The following SERPINE3 variants were observed in gnomAD, a reference collection of about 807,000 sequenced individuals.
SERPINE3 encodes the protein serpin E3.
Under a neutral mutation model 41.7 loss-of-function variants are expected in SERPINE3, and 43 were observed. The ratio of observed to expected loss-of-function variants is 1.03; its 90% confidence interval spans 0.81 to 1.33. The LOEUF is 1.33. SERPINE3 is among the 40% of genes most tolerant of loss of function. The pLI, the probability that SERPINE3 is intolerant of heterozygous loss-of-function variation, is 0.00. For synonymous variants in SERPINE3, 200 were observed against 192.2 expected (o/e 1.04, Z -0.34); for missense variants, 440 against 491.7 (o/e 0.89, Z 0.99).
At chr13:51,356,129 TAC>T (rs1248254064) in intron 7 of SERPINE3, among the ~76,000 whole-genome samples, 2 of 152,178 alleles carry the variant, frequency 1.3e-5, no homozygotes, top group African/African-American at 2.4e-5. Context: ...GAATCTATTC[TAC>T]AGAGTTTAAA....
At chr13:51,357,694 G>A (rs1955502450) in intron 7 of SERPINE3, among the ~76,000 whole-genome samples, 2 of 151,872 alleles carry the variant, frequency 1.3e-5, no homozygotes, top group African/African-American at 4.8e-5. Context: ...GATACTAGAT[G>A]TTATGCAGCT....
intron 7 of SERPINE3, among the ~76,000 whole-genome samples, chr13:51,360,920 T>C (rs2137826092): frequency 6.6e-6 from 1 of 152,154 alleles, no homozygotes; most frequent in Non-Finnish European, 1.5e-5. Flanking sequence ...CACTGAAGTT[T>C]AGGAAATACT....
At chr13:51,363,179 C>G (rs1955616672) in intron 9 of SERPINE3, 1 of 151,894 alleles carries the variant, frequency 6.6e-6, no homozygotes, top group South Asian at 2.1e-4. Context: ...AATTCAAGTG[C>G]ATAAAAATGA....
intron 4 of SERPINE3, among the ~76,000 whole-genome samples, chr13:51,345,409 A>G (rs984157084): frequency 6.6e-6 from 1 of 152,140 alleles, no homozygotes; most frequent in Non-Finnish European, 1.5e-5. Context: ...CCTGGCCAAC[A>G]TGGTGAAACC....
chr13:51,361,715 TTGA>T, intron 8 of SERPINE3, 92 bp from the exon 9 acceptor site: 1 of 1,145,542 alleles, frequency 8.7e-7, no homozygotes, highest in Non-Finnish European at 1.2e-6. Flanking sequence ...TTAGGATGCT[TTGA>T]TTTCTTAAAA....
chr13:51,357,502 A>G (rs540573108), intron 7 of SERPINE3, among the ~76,000 whole-genome samples: 19 of 152,264 alleles, frequency 1.2e-4, no homozygotes, highest in African/African-American at 3.9e-4. Context: ...CCACCACAGC[A>G]AACATTTGGC....
intron 4 of SERPINE3, 32 bp downstream of exon 4, chr13:51,344,517 A>T: frequency 6.7e-7 from 1 of 1,502,418 alleles, no homozygotes; most frequent in Non-Finnish European, 9.1e-7. Flanking sequence ...CAACAAGGCT[A>T]AGGCAGAGGG....
chr13:51,357,391 C>T (rs79174488), intron 7 of SERPINE3, among the ~76,000 whole-genome samples: 3,158 of 152,192 alleles, frequency 0.021, 56 homozygotes, highest in African/African-American at 0.049. Context: ...TCAGCAGAGA[C>T]CTTGCCAGAG....
chr13:51,363,187 T>G (rs1255104341), intron 9 of SERPINE3: 1 of 151,884 alleles, frequency 6.6e-6, no homozygotes, highest in African/African-American at 2.4e-5. Context: ...TGCATAAAAA[T>G]GATGTAAAAT....
intron 6 of SERPINE3, among the ~76,000 whole-genome samples, chr13:51,349,567 G>T (rs752143623): frequency 5.3e-5 from 8 of 152,310 alleles, no homozygotes; most frequent in Middle Eastern, 3.4e-3. Context: ...AGGCTGGTGC[G>T]AGAATTCGCC....
intron 5 of SERPINE3, 92 bp downstream of exon 5, chr13:51,347,326 T>G: frequency 9.1e-7 from 1 of 1,098,920 alleles, no homozygotes. Context: ...TCCTAAGGGA[T>G]CGGGATGTGT....
In SERPINE3 at chr13:51,364,424, A is replaced by T; in HGVS notation, c.*142A>T. 2.1e-6 allele frequency: 1 copy of T among 484,102 alleles called. No individual in the cohort carries two copies. 30.0% of individuals were successfully genotyped at this position (484,102 alleles called of 1,614,324 possible). Reference sequence around the variant, plus strand: ...TTTTCAATATTATAAACCTAAAAATACTTCAGTTTTTAAATGTTATAAGTT... The same window carrying T: ...TTTTCAATATTATAAACCTAAAAATTCTTCAGTTTTTAAATGTTATAAGTT... On this transcript the variant is annotated 3_prime_UTR_variant, in exon 10 of 10. Transcript: ENST00000681248.
intron 6 of SERPINE3, chr13:51,354,172 C>T (rs1384049596): frequency 6.6e-6 from 1 of 151,966 alleles, no homozygotes; most frequent in Non-Finnish European, 1.5e-5. Flanking sequence ...CTTTTCTGCA[C>T]CTACTATATG....
At chr13:51,359,642 T>C (rs1436555782) in intron 7 of SERPINE3, among the ~76,000 whole-genome samples, 1 of 152,130 alleles carries the variant, frequency 6.6e-6, no homozygotes, top group Non-Finnish European at 1.5e-5. Flanking sequence ...ATTTACTGTA[T>C]TTTAGCTGAT....
rs1471237485 is a variant in SERPINE3, at chr13:51,344,396, G to A, written c.401G>A (p.Trp134Ter). 2 of 1,612,214 alleles carry A rather than the reference G, an allele frequency of 1.2e-6. No homozygotes were observed. The highest frequency in any genetic ancestry group is 1.3e-5 in the African/African-American group (1 of 74,996). ...SPCFVEHVSW[W>*]ANSSLEPADL... ...TGCTTTGTGGAGCACGTCTCCTGGTGGGCTAACAGCAGCCTGGAACCAGCC... is the reference window on the plus strand; with the variant it reads ...TGCTTTGTGGAGCACGTCTCCTGGTAGGCTAACAGCAGCCTGGAACCAGCC... Residue 134 changes from tryptophan (W) to a stop codon, truncating the protein, a stop_gained, in exon 4 of 10, where the codon TGG becomes TAG. Transcript: ENST00000681248. LOFTEE classifies it high-confidence loss of function.
intron 3 of SERPINE3, among the ~76,000 whole-genome samples, chr13:51,341,621 T>A (rs939338309): frequency 1.3e-5 from 2 of 152,220 alleles, no homozygotes; most frequent in Non-Finnish European, 2.9e-5. Flanking sequence ...CCTTGAATTT[T>A]AAGGTTCCCT....
At chr13:51,348,631 AC>A in intron 6 of SERPINE3, 1 of 389,970 alleles carries the variant, frequency 2.6e-6, no homozygotes. Context: ...AAATGAACTA[AC>A]TTCCCAGAGT....
intron 6 of SERPINE3, chr13:51,348,628 C>G (rs2137783854): frequency 2.5e-6 from 1 of 408,094 alleles, no homozygotes. Context: ...CTGAAATGAA[C>G]TAACTTCCCA....
chr13:51,354,955 A>C (rs1955457068), intron 6 of SERPINE3, 88 bp from the exon 7 acceptor site: 1 of 676,210 alleles, frequency 1.5e-6, no homozygotes, highest in Admixed American at 2.6e-5. Context: ...CCTGACTTCC[A>C]AGTTAGGGAT....
Sources: gnomAD v4.1 joint callset for allele counts (sites outside exome capture counted in the v4.1 genomes callset) on GRCh38, gnomAD v4.1.1 for gene constraint, MANE v1.5 for transcripts, NCBI Gene and HGNC (gene_info 2026-07-23, HGNC 2026-07-21) for gene names.